Variants in FAM135B observed in about 807,000 individuals in gnomAD.
The protein encoded by FAM135B is protein FAM135B.
FAM135B carries 43 observed loss-of-function variants against 127.7 expected under a neutral mutation model. That is an observed-to-expected ratio of 0.34 (90% CI 0.26 to 0.43). FAM135B has a LOEUF of 0.43. FAM135B is among the 20% of genes least tolerant of loss of function. The pLI, the probability that FAM135B is intolerant of heterozygous loss-of-function variation, is 1.00. For missense variants in FAM135B, 1,558 were observed against 1,725.6 expected (o/e 0.90, Z 1.72); for synonymous variants, 670 against 665.1 (o/e 1.01, Z -0.11).
intron 7 of FAM135B, among the ~76,000 whole-genome samples, chr8:138,208,621 A>C (rs936243794): frequency 6.6e-6 from 1 of 152,258 alleles, no homozygotes; most frequent in Non-Finnish European, 1.5e-5. Context: ...GGAAAGATCC[A>C]GGGTCAAGTC....
intron 2 of FAM135B, among the ~76,000 whole-genome samples, chr8:138,355,019 C>T (rs11782012): frequency 0.49 from 74,087 of 151,852 alleles, 20,268 homozygotes; most frequent in Non-Finnish European, 0.63. Context: ...CTTCCTCCCA[C>T]CCTACAGCAG....
intron 2 of FAM135B, among the ~76,000 whole-genome samples, chr8:138,327,934 T>G (rs1827918494): frequency 6.6e-6 from 1 of 152,100 alleles, no homozygotes; most frequent in African/African-American, 2.4e-5. Flanking sequence ...GACTTCATAT[T>G]GCAAGAAATA....
intron 2 of FAM135B, among the ~76,000 whole-genome samples, chr8:138,361,707 C>G (rs1017454124): frequency 2.0e-5 from 3 of 152,162 alleles, no homozygotes; most frequent in Non-Finnish European, 2.9e-5. Flanking sequence ...CCCACTCCCC[C>G]ACTCTTACTC....
intron 7 of FAM135B, among the ~76,000 whole-genome samples, chr8:138,206,845 A>ACACAGCTCTATCATCCCCTCCACCTACC (rs1817720619): frequency 6.9e-5 from 2 of 28,954 alleles, no homozygotes; most frequent in South Asian, 1.0e-3. Flanking sequence ...CTCCACCTAC[A>ACACAGCTCTATCATCCCCTCCACCTACC]CACAGCTCTA....
At chr8:138,433,647 G>A (rs1043246642) in intron 1 of FAM135B, among the ~76,000 whole-genome samples, 1 of 152,124 alleles carries the variant, frequency 6.6e-6, no homozygotes. Context: ...AGATCAGGTG[G>A]CTGAAGCTCA....
intron 1 of FAM135B, among the ~76,000 whole-genome samples, chr8:138,491,481 C>T (rs889118844): frequency 6.6e-6 from 1 of 152,204 alleles, no homozygotes; most frequent in Non-Finnish European, 1.5e-5. Flanking sequence ...GAAATAGTCA[C>T]TTAATTCTAA....
At chr8:138,406,299 G>C (rs1833485806) in intron 1 of FAM135B, among the ~76,000 whole-genome samples, 1 of 152,168 alleles carries the variant, frequency 6.6e-6, no homozygotes, top group Non-Finnish European at 1.5e-5. Flanking sequence ...TCTAGGAGCA[G>C]ATGGATTCAC....
At chr8:138,139,742 G>T (rs1816965932) in intron 17 of FAM135B, among the ~76,000 whole-genome samples, 1 of 152,136 alleles carries the variant, frequency 6.6e-6, no homozygotes, top group Non-Finnish European at 1.5e-5. Context: ...TTCCAGCCTG[G>T]GCGACAAAAG....
intron 1 of FAM135B, among the ~76,000 whole-genome samples, chr8:138,481,934 G>C (rs926810952): frequency 6.6e-6 from 1 of 152,204 alleles, no homozygotes; most frequent in African/African-American, 2.4e-5. Context: ...TTAGATGGGA[G>C]TACAAGATAA....
At chr8:138,353,603 A>C (rs1212596428) in intron 2 of FAM135B, among the ~76,000 whole-genome samples, 2 of 152,192 alleles carry the variant, frequency 1.3e-5, no homozygotes, top group African/African-American at 4.8e-5. Flanking sequence ...TAAAATTTAG[A>C]CTTCATAATA....
At chr8:138,375,633 G>A (rs1831422909) in intron 1 of FAM135B, among the ~76,000 whole-genome samples, 2 of 152,152 alleles carry the variant, frequency 1.3e-5, no homozygotes, top group African/African-American at 4.8e-5. Flanking sequence ...AATATATCTA[G>A]TTAATTGTAT....
intron 2 of FAM135B, among the ~76,000 whole-genome samples, chr8:138,336,116 G>C (rs1413751581): frequency 6.6e-6 from 1 of 152,008 alleles, no homozygotes; most frequent in Non-Finnish European, 1.5e-5. Context: ...AGTGTGTAGA[G>C]GGAAATTTAT....
intron 2 of FAM135B, among the ~76,000 whole-genome samples, chr8:138,347,379 G>A (rs1320163580): frequency 1.3e-5 from 2 of 152,182 alleles, no homozygotes; most frequent in Admixed American, 6.5e-5. Flanking sequence ...GAGAACAAAA[G>A]AGATGGCAAT....
At chr8:138,246,614 G>C (rs563239298) in intron 6 of FAM135B, among the ~76,000 whole-genome samples, 3 of 152,178 alleles carry the variant, frequency 2.0e-5, no homozygotes, top group African/African-American at 7.2e-5. Flanking sequence ...GTTTGCTGCA[G>C]GAGCAGACCC....
rs1832773141 is a variant in FAM135B, at chr8:138,394,873, A to G, written c.-19-26871T>C. ...CACTCGAGTTAATTGCCAGCTGGGT[A>G]CACGTAAGGAAGCAGCAGCTTCAGG... On this transcript the variant is annotated intron_variant, in intron 1 of 19. Transcript: ENST00000395297. Among the ~76,000 whole-genome samples the G allele has an allele frequency of 4.6e-5, 7 of 152,334 alleles. No homozygotes were observed. The South Asian group carries it at 1.4e-3, about 32-fold the overall frequency.
At position 138,151,410 on chromosome 8, in the gene FAM135B, A is replaced by G. The variant is rs1318460226; in HGVS notation, c.3065T>C (p.Leu1022Pro). ...AACCTCCACAGCCTTCAGGCTGTCC[A>G]GAGTAAAGGTCTCTGCAGAAGTCAG... ...SHLTSAETFT[L>P]DSLKAVEVVN... The change falls in exon 13 of 20, where the codon CTG becomes CCG. Residue 1022 changes from leucine (L) to proline (P), a missense_variant. Around this residue, in one of 5 missense-constraint regions of FAM135B, gnomAD observed 923 missense variants for 865.3 expected, o/e 1.07. Coordinates refer to ENST00000395297, the MANE Select transcript of FAM135B (RefSeq NM_015912.4). 1 of 1,613,932 alleles carries G rather than the reference A, an allele frequency of 6.2e-7. No homozygotes were observed. The highest frequency in any genetic ancestry group is 8.5e-7 in the Non-Finnish European group (1 of 1,179,926).
chr8:138,290,326 G>A (rs1040438033), intron 3 of FAM135B, among the ~76,000 whole-genome samples: 3 of 152,158 alleles, frequency 2.0e-5, no homozygotes, highest in African/African-American at 7.2e-5. Flanking sequence ...GAAGAGAAAC[G>A]ATACAAAGAA....
intron 7 of FAM135B, among the ~76,000 whole-genome samples, chr8:138,237,291 G>T (rs1820375777): frequency 6.6e-6 from 1 of 151,824 alleles, no homozygotes; most frequent in Non-Finnish European, 1.5e-5. Flanking sequence ...CTCCTGAGTA[G>T]CTGGGATTAC....
chr8:138,432,367 A>T (rs1835236651), intron 1 of FAM135B, among the ~76,000 whole-genome samples: 1 of 152,056 alleles, frequency 6.6e-6, no homozygotes, highest in South Asian at 2.1e-4. Context: ...GTGGTATTCA[A>T]ATTCCTACAC....
Sources: gnomAD v4.1 joint callset for allele counts (sites outside exome capture counted in the v4.1 genomes callset) on GRCh38, gnomAD v4.1.1 for gene constraint, gnomAD v4.1.1 regional missense constraint, MANE v1.5 for transcripts, NCBI Gene and HGNC (gene_info 2026-07-23, HGNC 2026-07-21) for gene names.